Variants in C6orf141 observed in about 807,000 individuals in gnomAD.
C6orf141 encodes the protein chromosome 6 open reading frame 141.
For synonymous variants in C6orf141, 164 were observed against 140.5 expected (o/e 1.17, Z -1.18); for missense variants, 361 against 335.8 (o/e 1.07, Z -0.59).
Position 49,551,217 on chromosome 6 carries a change from G to T in C6orf141, c.425G>T (p.Gly142Val). 1 of 1,551,556 alleles carries T rather than the reference G, an allele frequency of 6.4e-7. No homozygotes were observed. Among genetic ancestry groups the T allele is most frequent in the Non-Finnish European group, 8.7e-7 (1 of 1,146,922 alleles). Reference sequence around the variant, plus strand: ...TTTCAACGACAAAAGCGAATTTCTGGCAGGCGTGTAGCCCCGCCGCGGGAC... The same window carrying T: ...TTTCAACGACAAAAGCGAATTTCTGTCAGGCGTGTAGCCCCGCCGCGGGAC... ...SVFQRQKRIS[G>V]RRVAPPRDAA... Residue 142 changes from glycine (G) to valine (V), a missense_variant, in exon 1 of 1, where the codon GGC becomes GTC. Coordinates refer to ENST00000529246, the MANE Select transcript of C6orf141 (RefSeq NM_001145652.2).
chr6:49,551,115 A>C lies in C6orf141; in HGVS notation c.323A>C (p.Glu108Ala). ...WLGTRGDPAR[E>A]EVAGAEDLPH... is the part of the protein sequence containing the mutation. ...GGGACTCGAGGGGACCCTGCACGGGAAGAGGTGGCCGGTGCAGAGGACCTT... is the reference window on the plus strand; with the variant it reads ...GGGACTCGAGGGGACCCTGCACGGGCAGAGGTGGCCGGTGCAGAGGACCTT... The change falls in exon 1 of 1, where the codon GAA becomes GCA. Residue 108 changes from glutamate (E) to alanine (A), a missense_variant. Transcript: ENST00000529246. 6.4e-7 allele frequency: 1 copy of C among 1,551,666 alleles called. No homozygotes were observed. The highest frequency in any genetic ancestry group is 8.7e-7 in the Non-Finnish European group (1 of 1,146,974).
chr6:49,552,706 G>T (rs1209101661), downstream of C6orf141: 1 of 152,264 alleles, frequency 6.6e-6, no homozygotes, highest in Non-Finnish European at 1.5e-5. Context: ...CTCCTGGCAG[G>T]CCAGATAGAT....
rs1031046747 is a variant in C6orf141 at position 49,551,606 on chromosome 6, C to G, written c.*79C>G. ...AAAATGCTATTCTGGGAGCTCCAAC[C>G]TGCAATTAACCTACAGAAGGAACCT... is the stretch of plus-strand genomic sequence containing the variant. On this transcript the variant is annotated 3_prime_UTR_variant, in exon 1 of 1. Transcript: ENST00000529246. The G allele has an allele frequency of 9.2e-6, 14 of 1,518,398 alleles. No homozygotes were observed. In the East Asian group the frequency reaches 3.4e-4, roughly 37 times the overall value. 94.1% of individuals were successfully genotyped at this position (1,518,398 alleles called of 1,614,324 possible). A position where few individuals can be genotyped will look rare whatever the true frequency, so the allele number is the denominator to read the frequency against.
chr6:49,555,599 C>T (rs977629614), downstream of C6orf141, among the ~76,000 whole-genome samples: 24 of 148,860 alleles, frequency 1.6e-4, no homozygotes, highest in Admixed American at 1.4e-3. Flanking sequence ...AGCTCTGCCT[C>T]CCGGGTTCAT....
Position 49,550,745 on chromosome 6 carries a change from C to A in C6orf141, c.-48C>A, listed in dbSNP as rs370967707. The A allele has an allele frequency of 5.0e-5, 71 of 1,418,216 alleles. No homozygotes were observed. Among genetic ancestry groups the A allele is most frequent in the Non-Finnish European group, 6.5e-5 (70 of 1,079,752 alleles). 87.9% of individuals were successfully genotyped at this position (1,418,216 alleles called of 1,614,324 possible). On this transcript the variant is annotated 5_prime_UTR_variant, in exon 1 of 1. Coordinates refer to ENST00000529246, the MANE Select transcript of C6orf141 (RefSeq NM_001145652.2). ...CAGGGCTTGGTGGTCCCGCGCTTTC[C>A]GGAGCTCAGCAGGCGCTTGCTGCTT...
chr6:49,551,430 G>A lies in C6orf141; in HGVS notation c.638G>A (p.Arg213Gln). 3 of 1,551,610 alleles carry A rather than the reference G, an allele frequency of 1.9e-6. No individual in the cohort carries two copies. Among genetic ancestry groups the A allele is most frequent in the Non-Finnish European group, 2.6e-6 (3 of 1,146,984 alleles). The stretch of plus-strand genomic sequence containing the variant: ...GAACGCTGGGGCCCTGCTGAATCCC[G>A]GGCTCTCCAGGCACGAACAGGGGCA... Reference protein sequence around the residue: ...PGERWGPAESRALQARTGASR... With the variant: ...PGERWGPAESQALQARTGASR... The change falls in exon 1 of 1, where the codon CGG becomes CAG. Residue 213 changes from arginine to glutamine, a missense_variant. Arg to Gln is a conservative substitution (Grantham distance 43, BLOSUM62 1). Coordinates refer to ENST00000529246, the MANE Select transcript of C6orf141 (RefSeq NM_001145652.2).
At position 49,551,379 on chromosome 6, in the gene C6orf141, G is replaced by T. The variant is rs754770169; in HGVS notation, c.587G>T (p.Arg196Leu). Residue 196 changes from arginine to leucine, a missense_variant, in exon 1 of 1, where the codon CGC becomes CTC. Physicochemically the swap from Arg to Leu is moderately radical, Grantham distance 102. Coordinates refer to ENST00000529246, the MANE Select transcript of C6orf141 (RefSeq NM_001145652.2). The part of the protein sequence containing the change: ...EEHFVTALTF[R>L]SSREGQPGER... ...CACTTCGTGACCGCGCTCACTTTTCGCAGCAGTAGAGAGGGACAGCCTGGG... is the reference window on the plus strand; with the variant it reads ...CACTTCGTGACCGCGCTCACTTTTCTCAGCAGTAGAGAGGGACAGCCTGGG... 1 of 1,551,668 alleles carries T rather than the reference G, an allele frequency of 6.4e-7. No individual in the cohort carries two copies. The highest frequency in any genetic ancestry group is 8.7e-7 in the Non-Finnish European group (1 of 1,146,990).
At chr6:49,555,654 G>A (rs1184237481), downstream of C6orf141, among the ~76,000 whole-genome samples, 2 of 151,976 alleles carry the variant, frequency 1.3e-5, no homozygotes, top group African/African-American at 2.4e-5. Context: ...GACTACAGGC[G>A]CTCGCCATCA....
At chr6:49,554,655 T>C (rs916293909), downstream of C6orf141, among the ~76,000 whole-genome samples, 2 of 152,176 alleles carry the variant, frequency 1.3e-5, no homozygotes, top group East Asian at 3.9e-4. Context: ...GTGGTGGGAT[T>C]ACAGGCCTGA....
In C6orf141 at chr6:49,550,883, C is replaced by T. The variant is rs1009984429; in HGVS notation, c.91C>T (p.Pro31Ser). ...DSSRSLGDLG[P>S]FPREVGRGAP... ...CTCCCGCAGCCTGGGGGACCTCGGG[C>T]CTTTTCCGCGGGAGGTAGGGCGCGG... Residue 31 changes from proline to serine, a missense_variant, in exon 1 of 1, where the codon CCT becomes TCT. By Grantham distance (74) the Pro-to-Ser change is moderately conservative. Coordinates refer to ENST00000529246, the MANE Select transcript of C6orf141 (RefSeq NM_001145652.2). 3.3e-6 allele frequency: 5 copies of T among 1,520,228 alleles called. No individual in the cohort carries two copies. The highest frequency in any genetic ancestry group is 4.4e-6 in the Non-Finnish European group (5 of 1,136,420). 94.2% of individuals were successfully genotyped at this position (1,520,228 alleles called of 1,614,324 possible).
chr6:49,551,560 A>G lies in C6orf141; in HGVS notation c.*33A>G, dbSNP rs762509286. The G allele has an allele frequency of 1.3e-6, 2 of 1,543,702 alleles. No homozygotes were observed. Among genetic ancestry groups the G allele is most frequent in the South Asian group, 2.4e-5 (2 of 83,214 alleles). The stretch of plus-strand genomic sequence containing the variant: ...CTCGAGAAATGTTCCGGGATGGTGG[A>G]TGAGCGATCATCCTTAAAAGAAAAT... On this transcript the variant is annotated 3_prime_UTR_variant, in exon 1 of 1. Coordinates refer to ENST00000529246, the MANE Select transcript of C6orf141 (RefSeq NM_001145652.2).
chr6:49,551,396 C>T (rs956999104), exon 1 of C6orf141: 1 of 1,551,698 alleles, frequency 6.4e-7, no homozygotes, highest in Non-Finnish European at 8.7e-7. Context: ...TAGAGAGGGA[C>T]AGCCTGGGGA....
downstream of C6orf141, among the ~76,000 whole-genome samples, chr6:49,556,853 T>C (rs1772043949): frequency 6.6e-6 from 1 of 152,232 alleles, no homozygotes; most frequent in African/African-American, 2.4e-5. Flanking sequence ...GGAGTTATGA[T>C]TGGTTTTCAG....
rs766945300 is a variant in C6orf141 at position 49,551,206 on chromosome 6, G to A, written c.414G>A (p.Lys138=). 105 of 1,551,490 alleles carry A rather than the reference G, an allele frequency of 6.8e-5. No individual in the cohort carries two copies. Among genetic ancestry groups the A allele is most frequent in the Non-Finnish European group, 8.9e-5 (102 of 1,146,952 alleles). Residue 138 remains lysine (K), a synonymous_variant, in exon 1 of 1, where the codon AAG becomes AAA. Coordinates refer to ENST00000529246, the MANE Select transcript of C6orf141 (RefSeq NM_001145652.2). The part of the protein sequence containing the change: ...PNYPSVFQRQ[K]RISGRRVAPP... ...ACCCTTCTGTCTTTCAACGACAAAA[G>A]CGAATTTCTGGCAGGCGTGTAGCCC...
In C6orf141 at chr6:49,551,010, C is replaced by G. The variant is rs1770337341; in HGVS notation, c.218C>G (p.Pro73Arg). 6.4e-7 allele frequency: 1 copy of G among 1,551,152 alleles called. No individual in the cohort carries two copies. The stretch of plus-strand genomic sequence containing the variant: ...AGAACGGCAGATCGGGCCCTCGGAC[C>G]TCGGGCCGGGGAGGAATTGGACCGT... Reference protein sequence around the residue: ...EDRTADRALGPRAGEELDRES... With the variant: ...EDRTADRALGRRAGEELDRES... Residue 73 changes from proline to arginine, a missense_variant, in exon 1 of 1, where the codon CCT (proline) becomes CGT (arginine). Transcript: ENST00000529246.
At chr6:49,558,059 G>GTTTTTTTTTTTTTTTTTTTTGTT (rs1772347625) in intron 4 of C6orf141, among the ~76,000 whole-genome samples, 1 of 97,800 alleles carries the variant, frequency 1.0e-5, no homozygotes, top group African/African-American at 4.0e-5. Context: ...ACTCAAATAT[G>GTTTTTTTTTTTTTTTTTTTTGTT]TTTTTTTTTT....
Position 49,551,691 on chromosome 6 carries a change from C to A in C6orf141, c.*164C>A, listed in dbSNP as rs1770652020. On this transcript the variant is annotated 3_prime_UTR_variant, in exon 1 of 1. Transcript: ENST00000529246. ...ATTAAGAACTGTAAGCAGCATAATA[C>A]CTCCTTTGTGGCTTGAATTCCTTCG... 3 of 1,447,294 alleles carry A rather than the reference C, an allele frequency of 2.1e-6. No individual in the cohort carries two copies. The Admixed American group carries it at 8.7e-5, about 42-fold the overall frequency. 89.7% of individuals were successfully genotyped at this position (1,447,294 alleles called of 1,614,324 possible). A position where few individuals can be genotyped will look rare whatever the true frequency, so the allele number is the denominator to read the frequency against.
In C6orf141 at chr6:49,551,964, CA is replaced by C; in HGVS notation, c.*442del. ...TGGAGAAGAGGCTTGTTTTAAAAGC[CA>C]AAAACAGAAAGTAAAAAGAAATGGG... On this transcript the variant is annotated 3_prime_UTR_variant, in exon 1 of 1. Coordinates refer to ENST00000529246, the MANE Select transcript of C6orf141 (RefSeq NM_001145652.2). 1 of 1,008,516 alleles carries C rather than the reference CA, an allele frequency of 9.9e-7. No homozygotes were observed. The allele number at this position is 1,008,516 out of a possible 1,614,324, so 62.5% of individuals were successfully genotyped here. A position where few individuals can be genotyped will look rare whatever the true frequency, so the allele number is the denominator to read the frequency against.
downstream of C6orf141, among the ~76,000 whole-genome samples, chr6:49,556,757 T>C (rs1772023796): frequency 6.6e-6 from 1 of 152,204 alleles, no homozygotes; most frequent in African/African-American, 2.4e-5. Flanking sequence ...CTGCAGTCAG[T>C]ACTTTGCTCT....
Sources: allele counts gnomAD v4.1 joint callset (sites outside exome capture counted in the v4.1 genomes callset), GRCh38; gene constraint gnomAD v4.1.1; transcripts MANE v1.5; gene names NCBI Gene and HGNC (gene_info 2026-07-23, HGNC 2026-07-21).